GATM: variants seen among roughly 807,000 people sequenced by gnomAD.
The protein encoded by GATM is glycine amidinotransferase.
Under a neutral mutation model 54.2 loss-of-function variants are expected in GATM, and 23 were observed. That is an observed-to-expected ratio of 0.42 (90% confidence interval 0.31 to 0.60). The LOEUF is 0.60. Ranked by LOEUF, GATM falls within the 20% of genes least tolerant of loss-of-function variation. GATM has a pLI of 0.14. For missense variants in GATM, 401 were observed against 544.9 expected (o/e 0.74, Z 2.63); for synonymous variants, 168 against 183.1 (o/e 0.92, Z 0.67).
upstream of GATM, chr15:45,378,708 C>A (rs796922297): frequency 1.3e-5 from 5 of 386,516 alleles, no homozygotes; most frequent in Admixed American, 1.9e-4. Context: ...CCGATGCTTG[C>A]CCTTTTTTAG....
At chr15:45,367,850 A>G (rs1249905297) in intron 4 of GATM, among the ~76,000 whole-genome samples, 1 of 152,234 alleles carries the variant, frequency 6.6e-6, no homozygotes, top group African/African-American at 2.4e-5. Context: ...CAGGACCCAG[A>G]ACAAGGTAAG....
intron 2 of GATM, among the ~76,000 whole-genome samples, 160 bp downstream of exon 2, chr15:45,376,441 T>C (rs1889636889): frequency 6.6e-6 from 1 of 152,078 alleles, no homozygotes; most frequent in South Asian, 2.1e-4. Flanking sequence ...GCAATTATCA[T>C]TGGTGTAAAT....
chr15:45,399,414 G>A (rs1486528673), intron 2 of GATM: 1 of 152,168 alleles, frequency 6.6e-6, no homozygotes, highest in African/African-American at 2.4e-5. Context: ...CCTTTTGGGA[G>A]GTGATTAGGT....
At chr15:45,379,830 A>T (rs890125902), upstream of GATM, 4 of 152,210 alleles carry the variant, frequency 2.6e-5, no homozygotes, top group African/African-American at 9.7e-5. Flanking sequence ...TACTAAAAAT[A>T]CAAAAACTAG....
upstream of GATM, chr15:45,380,406 C>T (rs1396490307): frequency 1.3e-5 from 2 of 152,090 alleles, no homozygotes; most frequent in African/African-American, 4.8e-5. Context: ...ATCCCTTTAT[C>T]TTTCTAATCA....
chr15:45,379,126 T>C (rs1240895886), upstream of GATM: 1 of 152,214 alleles, frequency 6.6e-6, no homozygotes, highest in African/African-American at 2.4e-5. Flanking sequence ...TCTTTGGCCA[T>C]ATGCCCCTGG....
intron 6 of GATM, among the ~76,000 whole-genome samples, chr15:45,365,330 A>T (rs1889430315): frequency 6.6e-6 from 1 of 152,194 alleles, no homozygotes; most frequent in Non-Finnish European, 1.5e-5. Context: ...GTCCTTAGTG[A>T]CCTTTTACAA....
intron 2 of GATM, among the ~76,000 whole-genome samples, chr15:45,372,413 C>A (rs1390874134): frequency 6.6e-6 from 1 of 152,172 alleles, no homozygotes; most frequent in Non-Finnish European, 1.5e-5. Context: ...TTTTTAAAGA[C>A]CAAGCTACCC....
chr15:45,386,827 C>T (rs1889808543), intron 3 of GATM, among the ~76,000 whole-genome samples: 1 of 152,196 alleles, frequency 6.6e-6, no homozygotes, highest in South Asian at 2.1e-4. Context: ...CTCATCTCCT[C>T]CACTTATGGT....
intron 3 of GATM, among the ~76,000 whole-genome samples, chr15:45,394,798 C>A (rs953909491): frequency 1.3e-5 from 2 of 152,110 alleles, no homozygotes. Flanking sequence ...TGTAATTATT[C>A]TAAACAAAGT....
chr15:45,367,200 G>A (rs1024450878), intron 4 of GATM, among the ~76,000 whole-genome samples: 1 of 152,044 alleles, frequency 6.6e-6, no homozygotes, highest in Non-Finnish European at 1.5e-5. Context: ...AATTCGTCAG[G>A]CATGGTGGCA....
At chr15:45,387,603 A>G (rs2140672401) in intron 3 of GATM, among the ~76,000 whole-genome samples, 1 of 152,340 alleles carries the variant, frequency 6.6e-6, no homozygotes, top group South Asian at 2.1e-4. Flanking sequence ...AGACCTCTGG[A>G]GAGCAAGGGC....
rs553197145 is a variant in GATM, at chr15:45,364,633, G to T, written c.1042+164C>A. The T allele has an allele frequency of 7.6e-5, 49 of 643,298 alleles. No individual in the cohort carries two copies. The African/African-American group carries it at 8.1e-4, about 11-fold the overall frequency. The allele number at this position is 643,298 out of a possible 1,614,324, so 39.8% of individuals were successfully genotyped here. A position where few individuals can be genotyped will look rare whatever the true frequency, so the allele number is the denominator to read the frequency against. On this transcript the variant is annotated intron_variant, in intron 7 of 8. Transcript: ENST00000396659. ...ATGGATGAAAAAGTTGCAAACACAA[G>T]TCCCAGCCTTGTTCTGATGCTCACA...
chr15:45,378,337 G>A (rs1889678010), intron 1 of GATM, 48 bp downstream of exon 1: 8 of 1,438,276 alleles, frequency 5.6e-6, no homozygotes, highest in Non-Finnish European at 7.5e-6. Flanking sequence ...CCGCCCGCAG[G>A]ATCGAGTGAG....
chr15:45,369,185 T>C (rs751966391), intron 3 of GATM, 141 bp downstream of exon 3: 6 of 679,228 alleles, frequency 8.8e-6, no homozygotes, highest in Admixed American at 2.5e-5. Context: ...GACCAAACCA[T>C]TCCTAAATAA....
At chr15:45,396,252 A>T (rs1186673227) in intron 3 of GATM, 3 of 152,192 alleles carry the variant, frequency 2.0e-5, no homozygotes, top group Non-Finnish European at 2.9e-5. Context: ...AGTCCCCAAG[A>T]TCTGATCTTA....
intron 6 of GATM, 88 bp from the exon 7 acceptor site, chr15:45,364,948 T>C: frequency 9.1e-7 from 1 of 1,094,376 alleles, no homozygotes; most frequent in Middle Eastern, 2.5e-4. Context: ...TCAGTAATAA[T>C]TCTCTTTGAG....
At chr15:45,392,418 A>G (rs1197709274) in intron 3 of GATM, among the ~76,000 whole-genome samples, 1 of 152,250 alleles carries the variant, frequency 6.6e-6, no homozygotes, top group Non-Finnish European at 1.5e-5. Flanking sequence ...GATTTCATAC[A>G]TATCATCTCA....
At chr15:45,391,959 G>A (rs1889878308) in intron 3 of GATM, among the ~76,000 whole-genome samples, 1 of 152,218 alleles carries the variant, frequency 6.6e-6, no homozygotes, top group African/African-American at 2.4e-5. Context: ...TCATAATAAA[G>A]AGTGTGGGCT....
Sources: gnomAD v4.1 joint callset for allele counts (sites outside exome capture counted in the v4.1 genomes callset) on GRCh38, gnomAD v4.1.1 for gene constraint, MANE v1.5 for transcripts, NCBI Gene and HGNC (gene_info 2026-07-23, HGNC 2026-07-21) for gene names.